BABAM2: variants seen among roughly 807,000 people sequenced by gnomAD.
The protein encoded by BABAM2 is BRISC and BRCA1 A complex member 2, also known as BRISC and BRCA1-A complex member 2.
In BABAM2, 31 loss-of-function variants were observed where a neutral mutation model predicts 54.7. The observed-to-expected ratio is 0.57, with a 90% confidence interval of 0.43 to 0.77. BABAM2 has a LOEUF of 0.77. Among genes scored for constraint, BABAM2 ranks in the 30% least tolerant of loss-of-function variants. The probability of loss-of-function intolerance (pLI) is 0.00; values close to 1 mark genes in which losing one functional copy is unlikely to be tolerated. For missense variants in BABAM2, 364 were observed against 455.8 expected (o/e 0.80, Z 1.83); for synonymous variants, 167 against 162.9 (o/e 1.03, Z -0.19).
At chr2:28,067,285 A>G (rs1019027220) in intron 6 of BABAM2, among the ~76,000 whole-genome samples, 1 of 152,226 alleles carries the variant, frequency 6.6e-6, no homozygotes, top group Admixed American at 6.5e-5. Context: ...GCAGAGAGAT[A>G]GAAAGATAGT....
intron 9 of BABAM2, 81 bp downstream of exon 9, chr2:28,241,474 A>G: frequency 7.5e-7 from 1 of 1,341,706 alleles, no homozygotes; most frequent in South Asian, 1.2e-5. Flanking sequence ...TGATTAAGAA[A>G]ATAGCACTTA....
intron 6 of BABAM2, among the ~76,000 whole-genome samples, chr2:28,075,833 T>C (rs1050109372): frequency 6.6e-6 from 1 of 152,232 alleles, no homozygotes; most frequent in Non-Finnish European, 1.5e-5. Context: ...AATGAGAGAC[T>C]CTGTACTTCC....
chr2:28,009,588 A>G (rs999963483), intron 4 of BABAM2, among the ~76,000 whole-genome samples: 5 of 152,092 alleles, frequency 3.3e-5, no homozygotes, highest in African/African-American at 9.7e-5. Flanking sequence ...GACCCAGGGA[A>G]GGCTGTTTGG....
At chr2:28,242,423 G>C (rs1225684254) in intron 9 of BABAM2, among the ~76,000 whole-genome samples, 1 of 152,172 alleles carries the variant, frequency 6.6e-6, no homozygotes, top group Non-Finnish European at 1.5e-5. Context: ...TAAGTCAGAG[G>C]CCTGATCAAG....
At chr2:28,072,295 C>G (rs1422398795) in intron 6 of BABAM2, among the ~76,000 whole-genome samples, 2 of 152,060 alleles carry the variant, frequency 1.3e-5, no homozygotes, top group East Asian at 1.9e-4. Flanking sequence ...GCCTCAGCCT[C>G]CTGAGTAGCT....
chr2:28,172,690 C>T (rs927126355), intron 7 of BABAM2, among the ~76,000 whole-genome samples: 21 of 152,104 alleles, frequency 1.4e-4, no homozygotes, highest in African/African-American at 9.7e-5. Flanking sequence ...GTAATGGGGA[C>T]GAACGAGTAT....
chr2:28,120,187 A>T (rs1239275426), intron 6 of BABAM2, among the ~76,000 whole-genome samples: 3 of 152,224 alleles, frequency 2.0e-5, no homozygotes, highest in African/African-American at 7.2e-5. Flanking sequence ...CACATAAAGC[A>T]TATACTTTTA....
intron 10 of BABAM2, among the ~76,000 whole-genome samples, chr2:28,245,493 T>C (rs1378456924): frequency 6.6e-6 from 1 of 152,242 alleles, no homozygotes; most frequent in Non-Finnish European, 1.5e-5. Flanking sequence ...TTGTCACATA[T>C]TAATCCATCA....
intron 4 of BABAM2, chr2:28,016,478 C>T (rs773039938): frequency 7.6e-6 from 9 of 1,181,106 alleles, no homozygotes; most frequent in South Asian, 1.2e-5. Flanking sequence ...GTCCCACTTG[C>T]CCATGGTGCT....
At chr2:28,100,802 A>G (rs1334570241) in intron 6 of BABAM2, among the ~76,000 whole-genome samples, 2 of 152,202 alleles carry the variant, frequency 1.3e-5, no homozygotes, top group Non-Finnish European at 2.9e-5. Flanking sequence ...GAGGCGTAAC[A>G]CTGAATTCAA....
intron 6 of BABAM2, among the ~76,000 whole-genome samples, chr2:28,123,822 A>G: frequency 6.6e-6 from 1 of 152,232 alleles, no homozygotes; most frequent in East Asian, 1.9e-4. Flanking sequence ...AACTAGTTTC[A>G]TATTCAGACT....
Position 27,940,039 on chromosome 2 carries a change from A to G in BABAM2, c.205+10131A>G, listed in dbSNP as rs61356590. 3.2e-3 allele frequency among the ~76,000 whole-genome samples: 493 copies of G among 152,370 alleles called. 1 individual carries two copies. The highest frequency in any genetic ancestry group is 0.01 in the African/African-American group (433 of 41,594). On this transcript the variant is annotated intron_variant, in intron 3 of 11. Transcript: ENST00000379624. ...ATAAGATTCTATTGAAAAATGTTAA[A>G]GGATATCCTAAGTAAAGAGAAGTCC... is the stretch of plus-strand genomic sequence containing the variant.
chr2:28,053,836 G>A (rs1223026963), intron 6 of BABAM2, among the ~76,000 whole-genome samples: 2 of 152,118 alleles, frequency 1.3e-5, no homozygotes, highest in African/African-American at 2.4e-5. Flanking sequence ...CATGAAAGCA[G>A]CTACAGACAA....
intron 3 of BABAM2, among the ~76,000 whole-genome samples, chr2:27,933,470 CAT>C (rs1491179266): frequency 1.3e-5 from 2 of 150,952 alleles, no homozygotes; most frequent in Non-Finnish European, 2.9e-5. Flanking sequence ...TTAAAAAACA[CAT>C]ATATATGTAT....
At chr2:28,189,513 G>T (rs1328985095) in intron 7 of BABAM2, among the ~76,000 whole-genome samples, 1 of 151,968 alleles carries the variant, frequency 6.6e-6, no homozygotes, top group Non-Finnish European at 1.5e-5. Context: ...TTGAACAGAG[G>T]ATAGGCCATT....
At chr2:28,228,402 ATGTT>A (rs1015552981) in intron 7 of BABAM2, among the ~76,000 whole-genome samples, 1 of 152,170 alleles carries the variant, frequency 6.6e-6, no homozygotes, top group African/African-American at 2.4e-5. Context: ...AGTTAGAAAA[ATGTT>A]TGTAGGTTAG....
chr2:27,891,241 A>G (rs1160020719), intron 1 of BABAM2: 2 of 152,202 alleles, frequency 1.3e-5, no homozygotes, highest in South Asian at 2.1e-4. Context: ...CCCCAGTGTA[A>G]CTTCCCTCGT....
At chr2:27,893,969 G>A (rs1342158443) in intron 1 of BABAM2, among the ~76,000 whole-genome samples, 9 of 147,942 alleles carry the variant, frequency 6.1e-5, no homozygotes, top group Admixed American at 6.1e-4. Flanking sequence ...ACTCCAGCCT[G>A]GCAACAGAGT....
In BABAM2 at chr2:28,237,865, T is replaced by C. The variant is rs138119034; in HGVS notation, c.780+564T>C. ...GTCAGCTGGTCTTTTTATTTTTATTTTTTTTGAGACAGAGTCTCACTCTGT... is the reference window on the plus strand; with the variant it reads ...GTCAGCTGGTCTTTTTATTTTTATTCTTTTTGAGACAGAGTCTCACTCTGT... On this transcript the variant is annotated intron_variant, in intron 8 of 11. Coordinates refer to ENST00000379624, the MANE Select transcript of BABAM2 (RefSeq NM_199191.3). Among the ~76,000 whole-genome samples the C allele has an allele frequency of 1.6e-3, 239 of 152,202 alleles. 1 individual carries two copies. The highest frequency in any genetic ancestry group is 2.6e-3 in the Non-Finnish European group (180 of 68,006).
Sources: gnomAD v4.1 joint callset for allele counts (sites outside exome capture counted in the v4.1 genomes callset) on GRCh38, gnomAD v4.1.1 for gene constraint, MANE v1.5 for transcripts, NCBI Gene and HGNC (gene_info 2026-07-23, HGNC 2026-07-21) for gene names.